Variants in FHIT observed in about 807,000 individuals in gnomAD.
FHIT encodes bis(5'-adenosyl)-triphosphatase.
A neutral mutation model predicts 17.9 loss-of-function variants in FHIT; 19 were observed. The ratio of observed to expected loss-of-function variants is 1.06; its 90% CI spans 0.74 to 1.56. The LOEUF is 1.56. Among genes scored for constraint, FHIT ranks in the 40% most tolerant of loss-of-function variants. The pLI is 0.00. For synonymous variants in FHIT, 81 were observed against 69.7 expected, an observed-to-expected ratio of 1.16 and a Z score of -0.81; for missense variants, 248 against 189.2, an observed-to-expected ratio of 1.31 and a Z score of -1.82.
intron 4 of FHIT, among the ~76,000 whole-genome samples, chr3:60,594,620 T>C (rs1484928568): frequency 6.6e-6 from 1 of 151,978 alleles, no homozygotes; most frequent in Non-Finnish European, 1.5e-5. Context: ...CCCTTCCCTC[T>C]CCTCTCCCCT....
chr3:60,889,268 G>A (rs782291023), intron 3 of FHIT, among the ~76,000 whole-genome samples: 8 of 152,128 alleles, frequency 5.3e-5, no homozygotes, highest in Admixed American at 1.3e-4. Flanking sequence ...GGAACGACAC[G>A]GCAGCAGGGG....
intron 1 of FHIT, among the ~76,000 whole-genome samples, chr3:61,213,043 G>T (rs1004937482): frequency 1.3e-5 from 2 of 152,158 alleles, no homozygotes; most frequent in Admixed American, 6.5e-5. Context: ...ACCAGCCACT[G>T]CAAAATCATG....
intron 5 of FHIT, among the ~76,000 whole-genome samples, chr3:60,027,319 T>A (rs13072187): frequency 0.066 from 10,077 of 152,204 alleles, 363 homozygotes; most frequent in African/African-American, 0.095. Context: ...TGCAACAGTT[T>A]CACATTTGTA....
At chr3:60,176,807 G>A (rs1407499748) in intron 5 of FHIT, among the ~76,000 whole-genome samples, 1 of 152,160 alleles carries the variant, frequency 6.6e-6, no homozygotes, top group African/African-American at 2.4e-5. Context: ...ATGAGCCGAT[G>A]GAAGTCCTGC....
chr3:60,627,689 A>C (rs970709077), intron 4 of FHIT, among the ~76,000 whole-genome samples: 5 of 151,982 alleles, frequency 3.3e-5, no homozygotes, highest in Admixed American at 6.6e-5. Context: ...ACACCCGGCT[A>C]ATTTTCGTAT....
chr3:61,023,450 A>C (rs2032566752), intron 3 of FHIT, among the ~76,000 whole-genome samples: 1 of 152,224 alleles, frequency 6.6e-6, no homozygotes, highest in African/African-American at 2.4e-5. Context: ...TGCCATCCCC[A>C]TCAAGCTACC....
intron 8 of FHIT, among the ~76,000 whole-genome samples, chr3:59,920,488 A>T (rs189353320): frequency 1.3e-5 from 2 of 152,326 alleles, no homozygotes; most frequent in East Asian, 3.9e-4. Flanking sequence ...CAGGAGAGAG[A>T]GGCCATACAC....
chr3:60,556,762 A>C (rs6798786), intron 4 of FHIT, among the ~76,000 whole-genome samples: 17,395 of 152,292 alleles, frequency 0.11, 1,196 homozygotes, highest in Middle Eastern at 0.21. Flanking sequence ...GAGCAGTGGC[A>C]TCACCTAGGT....
intron 4 of FHIT, among the ~76,000 whole-genome samples, chr3:60,560,226 A>G (rs1357584401): frequency 6.6e-6 from 1 of 152,106 alleles, no homozygotes; most frequent in Non-Finnish European, 1.5e-5. Context: ...TAATTAGTAT[A>G]CCATATAGAA....
intron 5 of FHIT, among the ~76,000 whole-genome samples, chr3:60,420,467 AT>A (rs571655068): frequency 6.6e-6 from 1 of 151,900 alleles, no homozygotes; most frequent in African/African-American, 2.4e-5. Context: ...GGCTATGTGT[AT>A]TTTTTTTATT....
At chr3:60,355,814 G>A (rs1437260495) in intron 5 of FHIT, among the ~76,000 whole-genome samples, 1 of 152,148 alleles carries the variant, frequency 6.6e-6, no homozygotes, top group African/African-American at 2.4e-5. Context: ...ATTCACAGGT[G>A]TACCTCCTTT....
intron 4 of FHIT, among the ~76,000 whole-genome samples, chr3:60,643,456 G>A (rs1039292561): frequency 7.9e-5 from 12 of 152,078 alleles, no homozygotes; most frequent in African/African-American, 2.7e-4. Context: ...GCAAGACTAA[G>A]CAAAAAGAAC....
At chr3:59,976,483 C>G (rs1708417031) in intron 7 of FHIT, among the ~76,000 whole-genome samples, 1 of 151,814 alleles carries the variant, frequency 6.6e-6, no homozygotes, top group African/African-American at 2.4e-5. Context: ...GAAACTTTGT[C>G]TTAAGAATCA....
intron 4 of FHIT, among the ~76,000 whole-genome samples, chr3:60,660,556 C>T (rs1553690814): frequency 6.6e-6 from 1 of 151,954 alleles, no homozygotes; most frequent in Admixed American, 6.6e-5. Flanking sequence ...TGCAGTTGTT[C>T]TCTAGGTGAG....
At chr3:60,771,645 C>T (rs1484538258) in intron 4 of FHIT, among the ~76,000 whole-genome samples, 1 of 152,092 alleles carries the variant, frequency 6.6e-6, no homozygotes, top group Non-Finnish European at 1.5e-5. Flanking sequence ...TTTAAATAGT[C>T]ATCTTATAGA....
At chr3:60,715,023 G>A (rs1265776365) in intron 4 of FHIT, among the ~76,000 whole-genome samples, 2 of 152,110 alleles carry the variant, frequency 1.3e-5, no homozygotes, top group Non-Finnish European at 2.9e-5. Flanking sequence ...CATGCTACCT[G>A]ACTTCAAACT....
chr3:60,671,777 TAA>T (rs11427587), intron 4 of FHIT, among the ~76,000 whole-genome samples: 9 of 139,346 alleles, frequency 6.5e-5, no homozygotes, highest in African/African-American at 7.9e-5. Flanking sequence ...CCATCTCTAC[TAA>T]AAAAAAAAAA....
intron 5 of FHIT, among the ~76,000 whole-genome samples, chr3:60,087,006 A>G (rs1703522439): frequency 6.6e-6 from 1 of 152,174 alleles, no homozygotes; most frequent in African/African-American, 2.4e-5. Context: ...AGTCATCTCT[A>G]AAATCCTCTG....
Position 61,014,797 on chromosome 3 carries a change from A to T in FHIT, c.-111+27250T>A, listed in dbSNP as rs1208113624. ...TCTGCCTCAAAAAAAAAAAAAAAAAAAAAAAAAAAAATATATATATATATA... is the reference window on the plus strand; with the variant it reads ...TCTGCCTCAAAAAAAAAAAAAAAAATAAAAAAAAAAATATATATATATATA... On this transcript the variant is annotated intron_variant, in intron 3 of 9. Coordinates refer to ENST00000492590, the MANE Select transcript of FHIT (RefSeq NM_002012.4). Among the ~76,000 whole-genome samples, 320 of 81,030 alleles carry T rather than the reference A, an allele frequency of 3.9e-3. 4 individuals are homozygous for T. Among genetic ancestry groups the T allele is most frequent in the Non-Finnish European group, 8.2e-3 (264 of 32,074 alleles). The allele number at this position is 81,030 out of a possible 152,430, so 53.2% of individuals were successfully genotyped here.
Sources: allele counts gnomAD v4.1 joint callset (sites outside exome capture counted in the v4.1 genomes callset), GRCh38; gene constraint gnomAD v4.1.1; transcripts MANE v1.5; gene names NCBI Gene and HGNC (gene_info 2026-07-23, HGNC 2026-07-21).